VSIG10: variants seen among roughly 807,000 people sequenced by gnomAD.
VSIG10 encodes V-set and immunoglobulin domain-containing protein 10.
Under a neutral mutation model 58.7 loss-of-function variants are expected in VSIG10, and 48 were observed. The observed-to-expected ratio is 0.82, with a 90% CI of 0.65 to 1.04. VSIG10 has a LOEUF of 1.04. VSIG10 is among the 50% of genes least tolerant of loss of function. VSIG10 has a pLI of 0.00. For synonymous variants in VSIG10, 260 were observed against 267.1 expected, an observed-to-expected ratio of 0.97 and a Z score of 0.26; for missense variants, 628 against 670.0, an observed-to-expected ratio of 0.94 and a Z score of 0.69.
At chr12:118,068,123 C>T (rs1384028527) in intron 8 of VSIG10, among the ~76,000 whole-genome samples, 9 of 143,290 alleles carry the variant, frequency 6.3e-5, no homozygotes, top group Non-Finnish European at 1.4e-4. Context: ...GGACTTCCTA[C>T]ACTCAAGTGA....
Position 118,092,882 on chromosome 12 carries a change from C to T in VSIG10, c.361+2651G>A, listed in dbSNP as rs1384306959. Among the ~76,000 whole-genome samples, 8 of 152,160 alleles carry T rather than the reference C, an allele frequency of 5.3e-5. No homozygotes were observed. The East Asian group carries it at 1.2e-3, about 22-fold the overall frequency. The stretch of plus-strand genomic sequence containing the variant: ...AACTCCTGGGCTCAAATCATCCGTC[C>T]GCCTCAGCCTCCCAAAGTGCTGGGA... On this transcript the variant is annotated intron_variant, in intron 2 of 8. Coordinates refer to ENST00000359236, the MANE Select transcript of VSIG10 (RefSeq NM_019086.6).
intron 1 of VSIG10, among the ~76,000 whole-genome samples, chr12:118,100,677 C>T (rs1345745168): frequency 1.3e-5 from 2 of 152,060 alleles, no homozygotes; most frequent in African/African-American, 4.8e-5. Flanking sequence ...TACAGGCACC[C>T]GCCATCATGC....
chr12:118,085,014 G>A (rs977470029), intron 2 of VSIG10, among the ~76,000 whole-genome samples: 5 of 152,254 alleles, frequency 3.3e-5, no homozygotes, highest in South Asian at 4.1e-4. Context: ...GTGAGACTCC[G>A]TCTCGAACAA....
chr12:118,095,762 A>G lies in VSIG10; in HGVS notation c.132T>C (p.Cys44=), dbSNP rs1345369432. 3.1e-6 allele frequency: 5 copies of G among 1,613,148 alleles called. No individual in the cohort carries two copies. The Admixed American group carries it at 5.0e-5, about 16-fold the overall frequency. The change falls in exon 2 of 9, where the codon TGT becomes TGC. Residue 44 remains cysteine, a synonymous_variant. Transcript: ENST00000359236. ...GGCCCCTCAGTCCCGAGATGTTGCC[A>G]CAGTGCAGAGTAACATTCTCATGAA... ...GEVHENVTLH[C]GNISGLRGQV...
intron 3 of VSIG10, among the ~76,000 whole-genome samples, chr12:118,080,936 G>A (rs1301393643): frequency 1.3e-5 from 2 of 152,052 alleles, no homozygotes; most frequent in African/African-American, 4.8e-5. Flanking sequence ...ATGGTTATCT[G>A]GGATAACAAA....
intron 8 of VSIG10, 76 bp from the exon 9 acceptor site, chr12:118,066,770 T>G: frequency 1.4e-6 from 2 of 1,443,564 alleles, no homozygotes; most frequent in Non-Finnish European, 1.9e-6. Context: ...ATCAATCATC[T>G]CAGTGATTTC....
rs377153797 is a variant in VSIG10 at position 118,095,712 on chromosome 12, G to C, written c.182C>G (p.Ser61Trp). 6.2e-7 allele frequency: 1 copy of C among 1,613,854 alleles called. No homozygotes were observed. Among genetic ancestry groups the C allele is most frequent in the South Asian group, 1.1e-5 (1 of 91,058 alleles). Residue 61 changes from serine (S) to tryptophan (W), a missense_variant, in exon 2 of 9, where the codon TCG (serine) becomes TGG (tryptophan). By Grantham distance (177) the Ser-to-Trp change is radical. Coordinates refer to ENST00000359236, the MANE Select transcript of VSIG10 (RefSeq NM_019086.6). ...RGQVTWYRNN[S>W]EPVFLLSSNS... Reference sequence around the variant, plus strand: ...GGACGAGAGAAGGAAGACAGGCTCCGAGTTGTTCCGGTACCAGGTCACCTG... The same window carrying C: ...GGACGAGAGAAGGAAGACAGGCTCCCAGTTGTTCCGGTACCAGGTCACCTG...
At chr12:118,074,757 G>A (rs1236028409) in intron 4 of VSIG10, among the ~76,000 whole-genome samples, 2 of 152,176 alleles carry the variant, frequency 1.3e-5, no homozygotes, top group Non-Finnish European at 2.9e-5. Context: ...AGGATTACAG[G>A]CGTGAGCCAC....
In VSIG10 at chr12:118,082,444, G is replaced by T; in HGVS notation, c.362-15C>A. On this transcript the variant is annotated splice_polypyrimidine_tract_variant and intron_variant, in intron 2 of 8. Coordinates refer to ENST00000359236, the MANE Select transcript of VSIG10 (RefSeq NM_019086.6). ...ATAGGGGCCGCCTGGGGATGACAGG[G>T]GGAATAGGATGGCATTAATTATGTA... The T allele has an allele frequency of 6.2e-7, 1 of 1,601,246 alleles. No homozygotes were observed. Among genetic ancestry groups the T allele is most frequent in the Non-Finnish European group, 8.5e-7 (1 of 1,172,174 alleles).
chr12:118,097,741 G>T (rs2033505104), intron 1 of VSIG10, among the ~76,000 whole-genome samples: 1 of 151,968 alleles, frequency 6.6e-6, no homozygotes, highest in African/African-American at 2.4e-5. Flanking sequence ...GGCCAACATG[G>T]TGAAACCCCG....
rs1330442525 is a variant in VSIG10 at position 118,063,885 on chromosome 12, G to A, written c.*2754C>T. ...TGCGGCAATTATGGGGCTTGTATGT[G>A]CTTGTGAGAATTGGGGCTAATATCA... On this transcript the variant is annotated 3_prime_UTR_variant, in exon 9 of 9. Transcript: ENST00000359236. 2.0e-5 allele frequency: 3 copies of A among 152,164 alleles called. No homozygotes were observed. Among genetic ancestry groups the A allele is most frequent in the Non-Finnish European group, 2.9e-5 (2 of 68,034 alleles). 9.4% of individuals were successfully genotyped at this position (152,164 alleles called of 1,614,324 possible). A position where few individuals can be genotyped will look rare whatever the true frequency, so the allele number is the denominator to read the frequency against.
In VSIG10 at chr12:118,065,889, T is replaced by C. The variant is rs78087118; in HGVS notation, c.*750A>G. ...AGCTGAATGAAGAGCTCATCTTCGA[T>C]GTAGCTTTCCAAGCTTTCAGAACGA... On this transcript the variant is annotated 3_prime_UTR_variant, in exon 9 of 9. Coordinates refer to ENST00000359236, the MANE Select transcript of VSIG10 (RefSeq NM_019086.6). The C allele has an allele frequency of 2.2e-4, 34 of 152,368 alleles. No individual in the cohort carries two copies. Among genetic ancestry groups the C allele is most frequent in the African/African-American group, 8.2e-4 (34 of 41,568 alleles). The allele number at this position is 152,368 out of a possible 1,614,324, so 9.4% of individuals were successfully genotyped here.
At chr12:118,095,894 A>T in intron 1 of VSIG10, 80 bp from the exon 2 acceptor site, 15 of 1,176,240 alleles carry the variant, frequency 1.3e-5, no homozygotes, top group Non-Finnish European at 1.6e-5. Context: ...CTCCTGTATT[A>T]GGATTTTTTT....
chr12:118,088,699 T>G (rs897400730), intron 2 of VSIG10, among the ~76,000 whole-genome samples: 1 of 152,004 alleles, frequency 6.6e-6, no homozygotes, highest in Non-Finnish European at 1.5e-5. Flanking sequence ...AGTCTGCTGT[T>G]TAGCCCAGGG....
At chr12:118,094,993 T>A (rs1356466515) in intron 2 of VSIG10, among the ~76,000 whole-genome samples, 2 of 150,724 alleles carry the variant, frequency 1.3e-5, no homozygotes, top group Admixed American at 1.3e-4. Flanking sequence ...AACCTCCGCC[T>A]CCCAGGTTCA....
chr12:118,095,119 G>A (rs1234685267), intron 2 of VSIG10, among the ~76,000 whole-genome samples: 3 of 152,046 alleles, frequency 2.0e-5, no homozygotes, highest in East Asian at 3.9e-4. Flanking sequence ...TAGCCAAGAT[G>A]GTCTCAATGT....
At chr12:118,083,054 A>G (rs368308034) in intron 2 of VSIG10, among the ~76,000 whole-genome samples, 4 of 128,180 alleles carry the variant, frequency 3.1e-5, no homozygotes, top group African/African-American at 1.2e-4. Flanking sequence ...TGGATGTTGT[A>G]GGGAGCCGAT....
chr12:118,095,864 A>G (rs1290441981), intron 1 of VSIG10, 50 bp from the exon 2 acceptor site: 6 of 1,547,794 alleles, frequency 3.9e-6, no homozygotes, highest in African/African-American at 2.7e-5. Context: ...TTTCTAAACA[A>G]TGTCCCTTTT....
In VSIG10 at chr12:118,103,879, G is replaced by T; in HGVS notation, c.-208C>A. On this transcript the variant is annotated 5_prime_UTR_variant, in exon 1 of 9. Coordinates refer to ENST00000359236, the MANE Select transcript of VSIG10 (RefSeq NM_019086.6). The stretch of plus-strand genomic sequence containing the variant: ...AGCTCGGCTGCAGGCTCGGGTCCCC[G>T]CTCCCGAGCGCCCTGGCCGGGGAGG... 4.5e-6 allele frequency: 2 copies of T among 440,660 alleles called. No individual in the cohort carries two copies. Among genetic ancestry groups the T allele is most frequent in the Non-Finnish European group, 7.8e-6 (2 of 254,808 alleles). 27.3% of individuals were successfully genotyped at this position (440,660 alleles called of 1,614,324 possible).
Sources: allele counts gnomAD v4.1 joint callset (sites outside exome capture counted in the v4.1 genomes callset), GRCh38; gene constraint gnomAD v4.1.1; transcripts MANE v1.5; gene names NCBI Gene and HGNC (gene_info 2026-07-23, HGNC 2026-07-21).